The following PLEKHF2 variants were observed in gnomAD, a reference collection of about 807,000 sequenced individuals.
PLEKHF2 encodes pleckstrin homology and FYVE domain containing 2.
PLEKHF2 carries 4 observed loss-of-function variants against 14.7 expected under a neutral mutation model. The observed-to-expected ratio is 0.27, with a 90% CI of 0.13 to 0.62. PLEKHF2 has a LOEUF of 0.62. PLEKHF2 is among the 20% of genes least tolerant of loss of function. The pLI, the probability that PLEKHF2 is intolerant of heterozygous loss-of-function variation, is 0.85. For missense variants in PLEKHF2, 201 were observed against 307.7 expected, an observed-to-expected ratio of 0.65 and a Z score of 2.60; for synonymous variants, 90 against 103.5, an observed-to-expected ratio of 0.87 and a Z score of 0.79.
intron 1 of PLEKHF2, among the ~76,000 whole-genome samples, chr8:95,139,465 C>T (rs1810416319): frequency 6.6e-6 from 1 of 152,140 alleles, no homozygotes; most frequent in Non-Finnish European, 1.5e-5. Flanking sequence ...TGAGATTGTG[C>T]CACTGCACTC....
chr8:95,145,375 T>C (rs928482019), intron 1 of PLEKHF2, among the ~76,000 whole-genome samples: 5 of 152,166 alleles, frequency 3.3e-5, no homozygotes, highest in African/African-American at 7.2e-5. Flanking sequence ...TTGACCTCTC[T>C]TTTAGATGGA....
intron 1 of PLEKHF2, among the ~76,000 whole-genome samples, chr8:95,137,823 C>T (rs1810392452): frequency 6.6e-6 from 1 of 152,244 alleles, no homozygotes; most frequent in African/African-American, 2.4e-5. Context: ...TGTTACTTGT[C>T]ATCATTCAGA....
chr8:95,153,258 A>G (rs780019287), intron 1 of PLEKHF2, among the ~76,000 whole-genome samples: 2 of 152,148 alleles, frequency 1.3e-5, no homozygotes, highest in African/African-American at 2.4e-5. Context: ...AGGAGACACG[A>G]TTACCTAAAC....
chr8:95,145,567 G>T (rs113185164), intron 1 of PLEKHF2, among the ~76,000 whole-genome samples: 2 of 151,828 alleles, frequency 1.3e-5, no homozygotes, highest in Admixed American at 1.3e-4. Context: ...GGGACTACAG[G>T]CACCCACCAC....
chr8:95,140,741 C>G (rs960345214), intron 1 of PLEKHF2, among the ~76,000 whole-genome samples: 4 of 152,172 alleles, frequency 2.6e-5, no homozygotes, highest in African/African-American at 7.2e-5. Context: ...TCTACCTGGT[C>G]AAAATTACAT....
rs1408868547 is a variant in PLEKHF2, at chr8:95,155,028, T to G, written c.*234T>G. On this transcript the variant is annotated 3_prime_UTR_variant, in exon 2 of 2. Coordinates refer to ENST00000315367, the MANE Select transcript of PLEKHF2 (RefSeq NM_024613.4). ...CAAATATATCAGATAAATTTTTTGT[T>G]TCTTGTTTATTTTTAGGTTATTTTC... is the stretch of plus-strand genomic sequence containing the variant. 6 of 490,482 alleles carry G rather than the reference T, an allele frequency of 1.2e-5. No individual in the cohort carries two copies. In the East Asian group the frequency reaches 1.6e-4, roughly 13 times the overall value. The allele number at this position is 490,482 out of a possible 1,614,324, so 30.4% of individuals were successfully genotyped here.
chr8:95,138,056 C>A (rs1353771768), intron 1 of PLEKHF2, among the ~76,000 whole-genome samples: 1 of 152,122 alleles, frequency 6.6e-6, no homozygotes, highest in Non-Finnish European at 1.5e-5. Flanking sequence ...CTCTCCTTGA[C>A]CTTTGCTGGG....
intron 1 of PLEKHF2, among the ~76,000 whole-genome samples, chr8:95,148,581 G>A (rs1726990849): frequency 6.6e-6 from 1 of 151,904 alleles, no homozygotes; most frequent in South Asian, 2.1e-4. Context: ...ACATCAATCA[G>A]TAGATTAGAT....
At position 95,154,820 on chromosome 8, in the gene PLEKHF2, G is replaced by A. The variant is rs760102447; in HGVS notation, c.*26G>A. 2 of 1,599,866 alleles carry A rather than the reference G, an allele frequency of 1.3e-6. No homozygotes were observed. The highest frequency in any genetic ancestry group is 1.7e-6 in the Non-Finnish European group (2 of 1,169,838). ...GGACACATTTGGGAGTATTTAATCA[G>A]GTGTGGCTATCTGAGAAATCAACTT... On this transcript the variant is annotated 3_prime_UTR_variant, in exon 2 of 2. Coordinates refer to ENST00000315367, the MANE Select transcript of PLEKHF2 (RefSeq NM_024613.4). This position sits in a 1 kb window ranked among gnomAD's most constrained non-coding sequence, Gnocchi z 5.6.
intron 1 of PLEKHF2, among the ~76,000 whole-genome samples, chr8:95,142,598 C>T (rs1810451025): frequency 6.6e-6 from 1 of 152,202 alleles, no homozygotes; most frequent in Non-Finnish European, 1.5e-5. Flanking sequence ...GCTGTCAGCA[C>T]TGTACAGCTG....
intron 1 of PLEKHF2, among the ~76,000 whole-genome samples, chr8:95,138,353 TC>T (rs61519066): frequency 0.086 from 6,151 of 71,692 alleles, 434 homozygotes; most frequent in Non-Finnish European, 0.1. Context: ...TTCTTCATCT[TC>T]CCCCCCCCCC....
Position 95,156,033 on chromosome 8 carries a change from C to G in PLEKHF2, c.*1239C>G, listed in dbSNP as rs1810615114. On this transcript the variant is annotated 3_prime_UTR_variant, in exon 2 of 2. Transcript: ENST00000315367. ...GCAATTGCTATTTCTAAATTGTGAA[C>G]TTTAAGTCAATCTAGATTTATTTTG... The G allele has an allele frequency of 6.0e-6, 1 of 166,938 alleles. No homozygotes were observed. The highest frequency in any genetic ancestry group is 1.5e-5 in the Non-Finnish European group (1 of 68,076). The allele number at this position is 166,938 out of a possible 1,614,324, so 10.3% of individuals were successfully genotyped here.
Position 95,155,026 on chromosome 8 carries a change from G to T in PLEKHF2, c.*232G>T. 2.0e-6 allele frequency: 1 copy of T among 488,382 alleles called. No homozygotes were observed. The highest frequency in any genetic ancestry group is 3.7e-6 in the Non-Finnish European group (1 of 271,872). The allele number at this position is 488,382 out of a possible 1,614,324, so 30.3% of individuals were successfully genotyped here. ...TGCAAATATATCAGATAAATTTTTTGTTTCTTGTTTATTTTTAGGTTATTT... is the reference window on the plus strand; with the variant it reads ...TGCAAATATATCAGATAAATTTTTTTTTTCTTGTTTATTTTTAGGTTATTT... On this transcript the variant is annotated 3_prime_UTR_variant, in exon 2 of 2. Coordinates refer to ENST00000315367, the MANE Select transcript of PLEKHF2 (RefSeq NM_024613.4).
intron 1 of PLEKHF2, 125 bp downstream of exon 1, chr8:95,134,155 C>T (rs1810349881): frequency 7.1e-6 from 1 of 141,106 alleles, no homozygotes; most frequent in African/African-American, 2.5e-5. Context: ...GTCGTCGTCG[C>T]GGGCGGTGGC....
intron 1 of PLEKHF2, among the ~76,000 whole-genome samples, chr8:95,141,186 A>C (rs979581275): frequency 1.3e-5 from 2 of 152,208 alleles, no homozygotes; most frequent in Admixed American, 6.5e-5. Context: ...ACTTAGACTA[A>C]AACCCTGGAG....
rs1810346200 is a variant in PLEKHF2, at chr8:95,133,914, C to G, written c.-131C>G. 1 of 152,076 alleles carries G rather than the reference C, an allele frequency of 6.6e-6. No homozygotes were observed. The highest frequency in any genetic ancestry group is 2.4e-5 in the African/African-American group (1 of 41,374). 9.4% of individuals were successfully genotyped at this position (152,076 alleles called of 1,614,324 possible). ...GCCGGCTGCGCGGGGCTGCGGACAG[C>G]ACACACCCTGGAAGGCCCCGGCGGG... is the stretch of plus-strand genomic sequence containing the variant. On this transcript the variant is annotated 5_prime_UTR_variant, in exon 1 of 2. Coordinates refer to ENST00000315367, the MANE Select transcript of PLEKHF2 (RefSeq NM_024613.4).
chr8:95,149,085 A>G (rs1810531610), intron 1 of PLEKHF2, among the ~76,000 whole-genome samples: 1 of 152,152 alleles, frequency 6.6e-6, no homozygotes, highest in Admixed American at 6.5e-5. Context: ...CTCTAAATAT[A>G]TAGTCTTTAA....
chr8:95,137,514 C>T (rs1455350985), intron 1 of PLEKHF2, among the ~76,000 whole-genome samples: 8 of 152,190 alleles, frequency 5.3e-5, no homozygotes, highest in Non-Finnish European at 7.3e-5. Context: ...AAAACATCCC[C>T]GATTTTAGTG....
chr8:95,154,016 TC>T lies in PLEKHF2; in HGVS notation c.-14-14del. ...TAATTTATATGTGCTAATTTCTTTT[TC>T]TTTTTTTTAAAAGGCTATTAGTGAA... On this transcript the variant is annotated splice_polypyrimidine_tract_variant and intron_variant, in intron 1 of 1. Coordinates refer to ENST00000315367, the MANE Select transcript of PLEKHF2 (RefSeq NM_024613.4). This position sits in a 1 kb window ranked among gnomAD's most constrained non-coding sequence, Gnocchi z 5.6. The T allele has an allele frequency of 6.7e-7, 1 of 1,487,094 alleles. No homozygotes were observed. The highest frequency in any genetic ancestry group is 9.0e-7 in the Non-Finnish European group (1 of 1,115,446). 92.1% of individuals were successfully genotyped at this position (1,487,094 alleles called of 1,614,324 possible).
Sources: allele counts gnomAD v4.1 joint callset (sites outside exome capture counted in the v4.1 genomes callset), GRCh38; gene constraint gnomAD v4.1.1; non-coding constraint Gnocchi (gnomAD v3.1); transcripts MANE v1.5; gene names NCBI Gene and HGNC (gene_info 2026-07-23, HGNC 2026-07-21).